The following PITPNC1 variants were observed in gnomAD, a reference collection of about 807,000 sequenced individuals.
PITPNC1 encodes cytoplasmic phosphatidylinositol transfer protein 1.
In PITPNC1, 18 loss-of-function variants were observed where a neutral mutation model predicts 44.7. That is an observed-to-expected ratio of 0.40 (90% CI 0.28 to 0.60). The LOEUF is 0.60. Ranked by LOEUF, PITPNC1 falls within the 20% of genes least tolerant of loss-of-function variation. The pLI, the probability that PITPNC1 is intolerant of heterozygous loss-of-function variation, is 0.39. For synonymous variants in PITPNC1, 141 were observed against 149.6 expected (o/e 0.94, Z 0.42); for missense variants, 290 against 418.4 (o/e 0.69, Z 2.68).
chr17:67,469,538 TG>T (rs1447199166), intron 1 of PITPNC1, among the ~76,000 whole-genome samples: 3 of 152,292 alleles, frequency 2.0e-5, no homozygotes, highest in African/African-American at 7.2e-5. Flanking sequence ...GTCCTGAGCC[TG>T]GCTGGATCGC....
intron 6 of PITPNC1, among the ~76,000 whole-genome samples, chr17:67,655,961 T>C (rs1417818624): frequency 1.3e-5 from 2 of 151,964 alleles, no homozygotes; most frequent in Admixed American, 6.6e-5. Flanking sequence ...AACATGTGAA[T>C]TGGGGGAGGG....
intron 5 of PITPNC1, among the ~76,000 whole-genome samples, chr17:67,606,860 G>A (rs565577728): frequency 1.3e-5 from 2 of 152,036 alleles, no homozygotes; most frequent in East Asian, 3.9e-4. Context: ...TTCCTGTTTA[G>A]CCACCCTCCC....
At chr17:67,657,596 A>C (rs543795934) in intron 6 of PITPNC1, among the ~76,000 whole-genome samples, 77 of 150,788 alleles carry the variant, frequency 5.1e-4, no homozygotes, top group Non-Finnish European at 1.0e-3. Context: ...CGGTGTCCTT[A>C]TCTATAAAAC....
chr17:67,474,413 C>T (rs1268222934), intron 1 of PITPNC1, among the ~76,000 whole-genome samples: 2 of 152,176 alleles, frequency 1.3e-5, no homozygotes, highest in African/African-American at 4.8e-5. Flanking sequence ...CAACCTCAGC[C>T]CTGCCGACAT....
At chr17:67,575,627 G>A (rs184355035) in intron 4 of PITPNC1, among the ~76,000 whole-genome samples, 3 of 152,138 alleles carry the variant, frequency 2.0e-5, no homozygotes, top group African/African-American at 4.8e-5. Flanking sequence ...GTCATTGTGC[G>A]GCTGAAGCAT....
intron 1 of PITPNC1, among the ~76,000 whole-genome samples, chr17:67,421,980 G>T (rs2038678071): frequency 6.6e-6 from 1 of 152,176 alleles, no homozygotes; most frequent in Admixed American, 6.6e-5. Context: ...AACAGGAAAT[G>T]ACCTCGAATT....
At chr17:67,633,653 G>A (rs577429572) in intron 6 of PITPNC1, among the ~76,000 whole-genome samples, 6 of 152,374 alleles carry the variant, frequency 3.9e-5, no homozygotes, top group South Asian at 2.1e-4. Context: ...TGGACCCGCC[G>A]AAGAGGGAAA....
At chr17:67,462,810 C>T (rs1161332712) in intron 1 of PITPNC1, among the ~76,000 whole-genome samples, 1 of 149,198 alleles carries the variant, frequency 6.7e-6, no homozygotes, top group Non-Finnish European at 1.5e-5. Context: ...TCAAGCGATT[C>T]TCCTGCCTCA....
chr17:67,400,273 C>T (rs2038287740), intron 1 of PITPNC1, among the ~76,000 whole-genome samples: 2 of 152,204 alleles, frequency 1.3e-5, no homozygotes, highest in Admixed American at 1.3e-4. Flanking sequence ...TAGTTTATTT[C>T]CAGCCCTGCA....
intron 5 of PITPNC1, among the ~76,000 whole-genome samples, chr17:67,610,406 T>C (rs867353684): frequency 6.6e-6 from 1 of 152,244 alleles, no homozygotes; most frequent in South Asian, 2.1e-4. Flanking sequence ...CTCCGAAAAT[T>C]ACATTGGAAA....
chr17:67,401,818 A>G (rs1398358754), intron 1 of PITPNC1, among the ~76,000 whole-genome samples: 2 of 152,048 alleles, frequency 1.3e-5, no homozygotes, highest in African/African-American at 4.8e-5. Flanking sequence ...ACTCAAGCCT[A>G]GAAGACAGAG....
intron 1 of PITPNC1, among the ~76,000 whole-genome samples, chr17:67,386,938 A>G (rs2038063126): frequency 6.6e-6 from 1 of 152,208 alleles, no homozygotes; most frequent in East Asian, 1.9e-4. Flanking sequence ...GGAATTTTGT[A>G]TATTCCCAAG....
At chr17:67,672,845 T>C (rs1294635700) in intron 7 of PITPNC1, among the ~76,000 whole-genome samples, 1 of 152,100 alleles carries the variant, frequency 6.6e-6, no homozygotes, top group Non-Finnish European at 1.5e-5. Context: ...TTTGCATGGG[T>C]TGAAGGTGCC....
rs1051957738 is a variant in PITPNC1 at position 67,641,959 on chromosome 17, A to G, written c.462+9721A>G. ...AGTTGTTCTAACGTCTCTGTAGAAT[A>G]AATCTAAAAGTGAAAGTGTTGAGTC... On this transcript the variant is annotated intron_variant, in intron 6 of 8. Transcript: ENST00000581322. Among the ~76,000 whole-genome samples, 9 of 152,156 alleles carry G rather than the reference A, an allele frequency of 5.9e-5. No homozygotes were observed. In the East Asian group the frequency reaches 1.7e-3, roughly 29 times the overall value.
intron 6 of PITPNC1, among the ~76,000 whole-genome samples, chr17:67,665,536 A>G (rs1178625622): frequency 6.6e-6 from 1 of 152,142 alleles, no homozygotes. Flanking sequence ...CACTATTTAT[A>G]TTTCTGTCAC....
chr17:67,551,860 TAA>T (rs1250522963), intron 2 of PITPNC1, among the ~76,000 whole-genome samples: 3 of 152,218 alleles, frequency 2.0e-5, no homozygotes, highest in Non-Finnish European at 4.4e-5. Flanking sequence ...CATCTATCTC[TAA>T]GATTAGCTTC....
chr17:67,599,034 A>ATATATATATATATATTT (rs1461493250), intron 5 of PITPNC1, among the ~76,000 whole-genome samples: 7 of 35,670 alleles, frequency 2.0e-4, no homozygotes, highest in South Asian at 1.3e-3. Context: ...ATATATATAT[A>ATATATATATATATATTT]TTTTTTTTTT....
At chr17:67,525,350 C>T (rs1271693288) in intron 1 of PITPNC1, 2 of 152,206 alleles carry the variant, frequency 1.3e-5, no homozygotes, top group South Asian at 4.1e-4. Flanking sequence ...CACAGTCTCT[C>T]AAAGTATTCA....
chr17:67,577,509 C>T (rs1476680520), intron 4 of PITPNC1, among the ~76,000 whole-genome samples: 12 of 146,780 alleles, frequency 8.2e-5, no homozygotes, highest in African/African-American at 2.5e-4. Context: ...TGCAGTGAGC[C>T]GAGACCACAC....
Sources: gnomAD v4.1 joint callset for allele counts (sites outside exome capture counted in the v4.1 genomes callset) on GRCh38, gnomAD v4.1.1 for gene constraint, MANE v1.5 for transcripts, NCBI Gene and HGNC (gene_info 2026-07-23, HGNC 2026-07-21) for gene names.